The following DACH2 variants were observed in gnomAD, a reference collection of about 807,000 sequenced individuals.
The protein encoded by DACH2 is dachshund family transcription factor 2, also known as dachshund homolog 2.
In DACH2, 17 loss-of-function variants were observed where a neutral mutation model predicts 35.8. The observed-to-expected ratio is 0.48, with a 90% CI of 0.33 to 0.71. DACH2 has a LOEUF of 0.71. Among genes scored for constraint, DACH2 ranks in the 30% least tolerant of loss-of-function variants. DACH2 has a pLI of 0.02. For missense variants in DACH2, 469 were observed against 472.7 expected (o/e 0.99, Z 0.07); for synonymous variants, 195 against 177.3 (o/e 1.10, Z -0.79).
intron 2 of DACH2, among the ~76,000 whole-genome samples, chrX:86,384,974 A>G (rs2036102656): frequency 8.9e-6 from 1 of 111,801 alleles, no homozygotes; most frequent in Non-Finnish European, 1.9e-5. Context: ...CTTCCAATAG[A>G]GAATACTTTT....
chrX:86,690,881 C>G (rs956396526), intron 4 of DACH2, among the ~76,000 whole-genome samples: 1 of 111,629 alleles, frequency 9.0e-6, no homozygotes, highest in Non-Finnish European at 1.9e-5. Context: ...GTGTTACACT[C>G]TTTATTGTCA....
At chrX:86,577,071 G>A (rs1354881509) in intron 3 of DACH2, among the ~76,000 whole-genome samples, 9 of 112,141 alleles carry the variant, frequency 8.0e-5, no homozygotes, top group African/African-American at 2.3e-4. Context: ...CTAAGCCATC[G>A]TAATAACTAT....
At chrX:86,318,958 G>A (rs1423203907) in intron 1 of DACH2, among the ~76,000 whole-genome samples, 3 of 112,251 alleles carry the variant, frequency 2.7e-5, no homozygotes, top group African/African-American at 9.7e-5. Flanking sequence ...ATGTTCAAGA[G>A]AGGAAGTTAG....
chrX:86,724,749 A>G (rs2041445812), intron 6 of DACH2, among the ~76,000 whole-genome samples: 1 of 111,436 alleles, frequency 9.0e-6, no homozygotes, highest in African/African-American at 3.3e-5. Flanking sequence ...GAAATGCAAA[A>G]TCCCCATAAA....
At chrX:86,604,680 A>T (rs765984562) in intron 3 of DACH2, among the ~76,000 whole-genome samples, 2 of 111,460 alleles carry the variant, frequency 1.8e-5, no homozygotes, top group African/African-American at 6.5e-5. Flanking sequence ...TTACCAGCTG[A>T]TCTTAAAATA....
chrX:86,739,678 T>C lies in DACH2; in HGVS notation c.1105-69T>C. On this transcript the variant is annotated intron_variant, in intron 6 of 11. Coordinates refer to ENST00000373125, the MANE Select transcript of DACH2 (RefSeq NM_053281.3). Reference sequence around the variant, plus strand: ...AAGTGAGAGGTCAACATTTCAAATGTAGAGACTCAACCAACATAAAAACTT... The same window carrying C: ...AAGTGAGAGGTCAACATTTCAAATGCAGAGACTCAACCAACATAAAAACTT... 5.3e-6 allele frequency: 6 copies of C among 1,136,744 alleles called. No individual in the cohort carries two copies. The South Asian group carries it at 1.2e-4, about 22-fold the overall frequency. The allele number at this position is 1,136,744 out of a possible 1,213,427, so 93.7% of individuals were successfully genotyped here.
At position 86,795,219 on chromosome X, in the gene DACH2, A is replaced by T. The variant is rs750951589; in HGVS notation, c.1241-17637A>T. On this transcript the variant is annotated intron_variant, in intron 7 of 11. Transcript: ENST00000373125. ...GTGAGTAGATATAGCTGTTCAGGTG[A>T]TGGAAGCATGTTCTTTTTTTTTTTT... Among the ~76,000 whole-genome samples, 27 of 97,275 alleles carry T rather than the reference A, an allele frequency of 2.8e-4. No homozygotes were observed. In the South Asian group the frequency reaches 7.3e-3, roughly 26 times the overall value. 84.5% of individuals were successfully genotyped at this position (97,275 alleles called of 115,157 possible).
At chrX:86,562,191 C>A (rs2039231327) in intron 3 of DACH2, among the ~76,000 whole-genome samples, 2 of 110,041 alleles carry the variant, frequency 1.8e-5, no homozygotes, top group Admixed American at 9.7e-5. Context: ...TGTACTGTGG[C>A]CTGTCAGGAT....
chrX:86,567,636 G>A (rs1463993561), intron 3 of DACH2, among the ~76,000 whole-genome samples: 5 of 111,536 alleles, frequency 4.5e-5, no homozygotes, highest in African/African-American at 1.6e-4. Context: ...ACAGAGCTTG[G>A]CAAGTACAGT....
Position 86,667,525 on chromosome X carries a change from GAAAGAAAGAAAGAAAGAAAGAAGA to G in DACH2, c.772+16361_772+16384del, listed in dbSNP as rs1457815217. ...AGAAAGAAAGAAAGAAAGAAAGAAA[GAAAGAAAGAAAGAAAGAAAGAAGA>G]AAGAAAGAAAGAAAGAAAGAAAGAA... On this transcript the variant is annotated intron_variant, in intron 4 of 11. Coordinates refer to ENST00000373125, the MANE Select transcript of DACH2 (RefSeq NM_053281.3). Among the ~76,000 whole-genome samples the G allele has an allele frequency of 4.4e-3, 269 of 60,608 alleles. 1 individual carries two copies. Among genetic ancestry groups the G allele is most frequent in the African/African-American group, 0.019 (241 of 12,639 alleles). The allele number at this position is 60,608 out of a possible 115,157, so 52.6% of individuals were successfully genotyped here.
At chrX:86,546,404 C>CTTCTTCTTCTTCTTCTTCTTCTTCCTT (rs774988785) in intron 3 of DACH2, among the ~76,000 whole-genome samples, 21 of 21,662 alleles carry the variant, frequency 9.7e-4, no homozygotes, top group African/African-American at 2.6e-3. Context: ...TCTTCTTCTT[C>CTTCTTCTTCTTCTTCTTCTTCTTCCTT]CTTCTTCTTC....
intron 1 of DACH2, among the ~76,000 whole-genome samples, chrX:86,194,486 G>A (rs753767085): frequency 9.0e-6 from 1 of 111,688 alleles, no homozygotes; most frequent in Non-Finnish European, 1.9e-5. Context: ...ATGGAAGCTG[G>A]GCTGAAGGGG....
chrX:86,454,636 C>A (rs942782497), intron 2 of DACH2, among the ~76,000 whole-genome samples: 1 of 111,948 alleles, frequency 8.9e-6, no homozygotes, highest in African/African-American at 3.2e-5. Flanking sequence ...CGGTTATATT[C>A]TTCTCTAAAC....
intron 3 of DACH2, among the ~76,000 whole-genome samples, chrX:86,539,653 A>G (rs1035489056): frequency 2.2e-4 from 25 of 111,916 alleles, no homozygotes; most frequent in African/African-American, 8.1e-4. Context: ...ACATTTAAAT[A>G]TGGGGCACAA....
At chrX:86,712,801 G>A (rs2041293745) in intron 5 of DACH2, among the ~76,000 whole-genome samples, 1 of 111,016 alleles carries the variant, frequency 9.0e-6, no homozygotes, top group Non-Finnish European at 1.9e-5. Context: ...CAGATAGTGA[G>A]CCATAAGTGA....
At chrX:86,759,574 TAA>T (rs1221648495) in intron 7 of DACH2, among the ~76,000 whole-genome samples, 557 of 107,483 alleles carry the variant, frequency 5.2e-3, no homozygotes, top group Middle Eastern at 9.8e-3. Context: ...TTTTTTTTTT[TAA>T]AAATCCATTC....
At chrX:86,212,227 CA>C (rs1271026225) in intron 1 of DACH2, among the ~76,000 whole-genome samples, 2 of 111,469 alleles carry the variant, frequency 1.8e-5, no homozygotes, top group African/African-American at 6.5e-5. Flanking sequence ...GTGTTTTCTG[CA>C]AAATTATTAT....
At chrX:86,160,750 T>G (rs1224112705) in intron 1 of DACH2, 2 of 463,006 alleles carry the variant, frequency 4.3e-6, no homozygotes, top group Non-Finnish European at 3.8e-6. Context: ...CTTTATTTTA[T>G]TTCACTCAAA....
intron 7 of DACH2, among the ~76,000 whole-genome samples, chrX:86,749,996 G>A (rs1251526654): frequency 9.1e-6 from 1 of 110,073 alleles, no homozygotes; most frequent in Non-Finnish European, 1.9e-5. Flanking sequence ...TTTTTCTGTA[G>A]TTTCTTTAAG....
Sources: allele counts gnomAD v4.1 joint callset (sites outside exome capture counted in the v4.1 genomes callset), GRCh38; gene constraint gnomAD v4.1.1; transcripts MANE v1.5; gene names NCBI Gene and HGNC (gene_info 2026-07-23, HGNC 2026-07-21).